Variants in ATP9B observed in about 807,000 individuals in gnomAD.
ATP9B encodes the protein probable phospholipid-transporting ATPase IIB.
Under a neutral mutation model 146.1 loss-of-function variants are expected in ATP9B, and 110 were observed. That is an observed-to-expected ratio of 0.75 (90% CI 0.65 to 0.88). The LOEUF (loss-of-function observed/expected upper bound fraction) is 0.88, where lower values mean the gene tolerates loss of function less well. ATP9B is among the 40% of genes least tolerant of loss of function. ATP9B has a pLI of 0.00. For synonymous variants in ATP9B, 604 were observed against 569.7 expected, an observed-to-expected ratio of 1.06 and a Z score of -0.86; for missense variants, 1,499 against 1,496.4, an observed-to-expected ratio of 1.00 and a Z score of -0.03.
At chr18:79,247,105 A>G (rs2144896343) in intron 11 of ATP9B, among the ~76,000 whole-genome samples, 1 of 152,334 alleles carries the variant, frequency 6.6e-6, no homozygotes, top group East Asian at 1.9e-4. Context: ...AAGAATTTAT[A>G]ATACTAAAAA....
intron 12 of ATP9B, among the ~76,000 whole-genome samples, chr18:79,259,343 G>A (rs9961433): frequency 0.1 from 15,268 of 152,042 alleles, 915 homozygotes; most frequent in African/African-American, 0.15. Context: ...TAACTCTTTC[G>A]TCCGTATGCT....
At chr18:79,328,662 T>G (rs901533547) in intron 15 of ATP9B, among the ~76,000 whole-genome samples, 1 of 152,196 alleles carries the variant, frequency 6.6e-6, no homozygotes, top group Non-Finnish European at 1.5e-5. Context: ...GTAGACACAT[T>G]AATAGAGTTA....
At chr18:79,223,501 A>G (rs2095700777) in intron 11 of ATP9B, among the ~76,000 whole-genome samples, 1 of 152,334 alleles carries the variant, frequency 6.6e-6, no homozygotes, top group Non-Finnish European at 1.5e-5. Flanking sequence ...GTAGTATTGC[A>G]GTAAATCAAC....
chr18:79,320,471 A>G (rs1311349589), intron 15 of ATP9B, among the ~76,000 whole-genome samples: 2 of 152,206 alleles, frequency 1.3e-5, no homozygotes, highest in Non-Finnish European at 2.9e-5. Context: ...CACCAGGGGC[A>G]TGAGAGGCCC....
chr18:79,206,882 G>A (rs2095539337), intron 9 of ATP9B, 55 bp from the exon 10 acceptor site: 1 of 1,533,774 alleles, frequency 6.5e-7, no homozygotes, highest in African/African-American at 1.4e-5. Context: ...TATATAAGGT[G>A]TGAATAATGA....
At chr18:79,253,082 T>C (rs992595848) in intron 11 of ATP9B, among the ~76,000 whole-genome samples, 3 of 152,234 alleles carry the variant, frequency 2.0e-5, no homozygotes, top group African/African-American at 7.2e-5. Flanking sequence ...TTCTCTAGGC[T>C]TGCGTTTCAC....
chr18:79,111,426 CA>C (rs1266606731), intron 3 of ATP9B, among the ~76,000 whole-genome samples: 2 of 149,098 alleles, frequency 1.3e-5, no homozygotes, highest in African/African-American at 2.5e-5. Flanking sequence ...TAGTGATTGG[CA>C]AATACTTGAT....
chr18:79,099,776 A>ATT (rs370595343), intron 2 of ATP9B, among the ~76,000 whole-genome samples: 2 of 151,980 alleles, frequency 1.3e-5, no homozygotes, highest in African/African-American at 4.8e-5. Context: ...TTTTGCAGTT[A>ATT]TTTTTTTGTA....
At chr18:79,094,005 ATTGTG>A (rs1198449752) in intron 1 of ATP9B, among the ~76,000 whole-genome samples, 4 of 152,152 alleles carry the variant, frequency 2.6e-5, no homozygotes, top group Non-Finnish European at 1.5e-5. Context: ...CATTTTGAAT[ATTGTG>A]TTGTGGGATT....
rs147351019 is a variant in ATP9B, at chr18:79,135,242, A to T, written c.668-8560A>T. 3.7e-3 allele frequency among the ~76,000 whole-genome samples: 562 copies of T among 152,302 alleles called. 4 individuals carry two copies. The highest frequency in any genetic ancestry group is 0.012 in the African/African-American group (518 of 41,552). ...TGAATTTTATGTTTTATATTACTTA[A>T]CATGAAAAGCCCCAGACTCCAAGTC... On this transcript the variant is annotated intron_variant, in intron 5 of 29. Coordinates refer to ENST00000426216, the MANE Select transcript of ATP9B (RefSeq NM_198531.5).
Position 79,222,602 on chromosome 18 carries a change from T to A in ATP9B, c.1107+8564T>A, listed in dbSNP as rs1396222715. ...TTTTATCCAGACATGAAGATAAGAA[T>A]AAATCCTTCCATTTTGTTAGATAGA... On this transcript the variant is annotated intron_variant, in intron 11 of 29. Coordinates refer to ENST00000426216, the MANE Select transcript of ATP9B (RefSeq NM_198531.5). 3.3e-5 allele frequency among the ~76,000 whole-genome samples: 5 copies of A among 152,206 alleles called. No individual in the cohort carries two copies. The South Asian group carries it at 1.0e-3, about 32-fold the overall frequency.
chr18:79,282,472 C>T (rs887244858), intron 13 of ATP9B, among the ~76,000 whole-genome samples: 5 of 152,108 alleles, frequency 3.3e-5, no homozygotes, highest in Admixed American at 6.6e-5. Context: ...AGTCAGCAGC[C>T]GTCAACATTA....
intron 1 of ATP9B, among the ~76,000 whole-genome samples, chr18:79,082,460 G>A (rs11664573): frequency 0.25 from 38,024 of 152,144 alleles, 5,093 homozygotes; most frequent in East Asian, 0.5. Context: ...GTGAGGAGTT[G>A]TGATCCTTTG....
At chr18:79,143,711 C>A in intron 5 of ATP9B, 91 bp from the exon 6 acceptor site, 1 of 799,782 alleles carries the variant, frequency 1.3e-6, no homozygotes, top group South Asian at 2.8e-5. Flanking sequence ...TTTTCTGTAG[C>A]TTATTTCTAA....
intron 12 of ATP9B, among the ~76,000 whole-genome samples, chr18:79,265,991 G>C (rs1241063649): frequency 6.6e-6 from 1 of 152,164 alleles, no homozygotes; most frequent in African/African-American, 2.4e-5. Flanking sequence ...TTATTGAATA[G>C]GGAGTCCTTT....
intron 9 of ATP9B, among the ~76,000 whole-genome samples, chr18:79,193,612 G>C (rs1238895046): frequency 6.6e-6 from 1 of 151,918 alleles, no homozygotes; most frequent in Non-Finnish European, 1.5e-5. Flanking sequence ...GAGTTGGGTG[G>C]GTATTTATAT....
chr18:79,195,925 C>G (rs1049264803), intron 9 of ATP9B, among the ~76,000 whole-genome samples: 2 of 152,150 alleles, frequency 1.3e-5, no homozygotes, highest in African/African-American at 4.8e-5. Context: ...ACATTGACAG[C>G]TCAAGTGTGT....
At chr18:79,329,380 A>G in intron 16 of ATP9B, 78 bp downstream of exon 16, 1 of 1,413,504 alleles carries the variant, frequency 7.1e-7, no homozygotes, top group East Asian at 2.5e-5. Flanking sequence ...ATTTTCCCAA[A>G]AGAAAGTTAA....
chr18:79,367,926 G>C (rs2097044720), intron 26 of ATP9B, among the ~76,000 whole-genome samples: 1 of 152,258 alleles, frequency 6.6e-6, no homozygotes, highest in Non-Finnish European at 1.5e-5. Flanking sequence ...GAGCCCAGGA[G>C]ACATCACGGC....
Sources: allele counts gnomAD v4.1 joint callset (sites outside exome capture counted in the v4.1 genomes callset), GRCh38; gene constraint gnomAD v4.1.1; transcripts MANE v1.5; gene names NCBI Gene and HGNC (gene_info 2026-07-23, HGNC 2026-07-21).